Variants in POLD1 observed in about 807,000 individuals in gnomAD.
POLD1 encodes the protein DNA polymerase delta 1, catalytic subunit, also known as DNA polymerase delta catalytic subunit.
In POLD1, 79 loss-of-function variants were observed where a neutral mutation model predicts 129.7. That is an observed-to-expected ratio of 0.61 (90% CI 0.51 to 0.73). The LOEUF is 0.73. Among genes scored for constraint, POLD1 ranks in the 30% least tolerant of loss-of-function variants. The pLI, the probability that POLD1 is intolerant of heterozygous loss-of-function variation, is 0.00. For missense variants in POLD1, 1,338 were observed against 1,595.8 expected, an observed-to-expected ratio of 0.84 and a Z score of 2.75; for synonymous variants, 714 against 683.3, an observed-to-expected ratio of 1.04 and a Z score of -0.70.
intron 2 of POLD1, 133 bp from the exon 3 acceptor site, chr19:50,399,238 C>T: frequency 1.8e-6 from 2 of 1,139,398 alleles, no homozygotes; most frequent in East Asian, 2.6e-5. Context: ...TGACCCTTGA[C>T]CCTCATTCTC....
At chr19:50,416,920 C>A (rs2039319655) in intron 24 of POLD1, 125 bp from the exon 25 acceptor site, 2 of 1,172,840 alleles carry the variant, frequency 1.7e-6, no homozygotes, top group East Asian at 2.6e-5. Flanking sequence ...GTTTTCCCAG[C>A]ACACTTGCTC....
intron 1 of POLD1, among the ~76,000 whole-genome samples, chr19:50,388,240 G>T (rs926926054): frequency 2.0e-5 from 3 of 152,160 alleles, no homozygotes; most frequent in Non-Finnish European, 4.4e-5. Context: ...TTCTAAAATT[G>T]ACTGTGGTGA....
intron 1 of POLD1, chr19:50,394,903 T>C (rs1056413103): frequency 6.6e-6 from 1 of 151,732 alleles, no homozygotes; most frequent in African/African-American, 2.4e-5. Flanking sequence ...TGGCGCAGTC[T>C]TGGCTCACTG....
At chr19:50,417,583 G>A (rs992921070) in intron 26 of POLD1, among the ~76,000 whole-genome samples, 4 of 152,236 alleles carry the variant, frequency 2.6e-5, no homozygotes, top group African/African-American at 9.6e-5. Flanking sequence ...CAGGGAACGG[G>A]TAGGCGGGGT....
chr19:50,402,300 C>G lies in POLD1; in HGVS notation c.685C>G (p.Gln229Glu), dbSNP rs1555790033. ...GGCCCCGGCCCGCCGTCTCCTGGAA[C>G]AGGGCATCCGTGTGGCAGGCCTGGG... The part of the protein sequence containing the change: ...LVAPARRLLE[Q>E]GIRVAGLGTP... Residue 229 changes from glutamine (Q) to glutamate (E), a missense_variant, in exon 6 of 27, where the codon CAG becomes GAG. This residue lies in a region of POLD1 where 720 missense variants were observed against 1,002.6 expected (regional missense o/e 0.72). Transcript: ENST00000440232. 2 of 1,610,858 alleles carry G rather than the reference C, an allele frequency of 1.2e-6. No individual in the cohort carries two copies. Among genetic ancestry groups the G allele is most frequent in the South Asian group, 1.1e-5 (1 of 90,806 alleles).
At position 50,397,370 on chromosome 19, in the gene POLD1, A is replaced by G. The variant is rs1223989897; in HGVS notation, c.-1-1481A>G. On this transcript the variant is annotated intron_variant, in intron 1 of 26. Coordinates refer to ENST00000440232, the MANE Select transcript of POLD1 (RefSeq NM_002691.4). ...CAGTGAATCGAGATTGTGCCACTGT[A>G]CTCCAGCCTGGGCAACAAGAGTGAG... Among the ~76,000 whole-genome samples, 3 of 148,664 alleles carry G rather than the reference A, an allele frequency of 2.0e-5. No homozygotes were observed. In the East Asian group the frequency reaches 6.0e-4, roughly 30 times the overall value.
At position 50,406,093 on chromosome 19, in the gene POLD1, A is replaced by G; in HGVS notation, c.1243-89A>G. 1 of 1,496,600 alleles carries G rather than the reference A, an allele frequency of 6.7e-7. No homozygotes were observed. Among genetic ancestry groups the G allele is most frequent in the Non-Finnish European group, 9.1e-7 (1 of 1,095,388 alleles). The allele number at this position is 1,496,600 out of a possible 1,614,324, so 92.7% of individuals were successfully genotyped here. On this transcript the variant is annotated intron_variant, in intron 10 of 26. Transcript: ENST00000440232. The surrounding 1 kb of genome is among the most constrained non-coding windows in gnomAD (Gnocchi z 5.5). ...CTCTCGACCCCCTAGGGTTGTTATAAGGATGTTGTGGTTGGTCTCAATCTC... is the reference window on the plus strand; with the variant it reads ...CTCTCGACCCCCTAGGGTTGTTATAGGGATGTTGTGGTTGGTCTCAATCTC...
chr19:50,417,638 C>T (rs1192812066), intron 26 of POLD1, among the ~76,000 whole-genome samples: 1 of 151,728 alleles, frequency 6.6e-6, no homozygotes, highest in Non-Finnish European at 1.5e-5. Context: ...CAGCCATGGC[C>T]CTGCACCTCG....
At chr19:50,399,574 G>A in intron 3 of POLD1, 90 bp downstream of exon 3, 1 of 970,946 alleles carries the variant, frequency 1.0e-6, no homozygotes, top group Non-Finnish European at 1.6e-6. Flanking sequence ...CTGTGCTCCT[G>A]GGGCAGAGGC....
At chr19:50,398,814 G>A (rs373386278) in intron 1 of POLD1, 37 bp from the exon 2 acceptor site, 98 of 1,596,142 alleles carry the variant, frequency 6.1e-5, no homozygotes, top group Middle Eastern at 2.3e-4. Context: ...AGGTGTCTCC[G>A]GTCAGAACCT....
chr19:50,417,100 G>A lies in POLD1; in HGVS notation c.3120+3G>A. ...AGTCTGAGCTGTATCAGAAGGAGGTGAGAGGGCCGGGAGGTGAGGAGGGGC... is the reference window on the plus strand; with the variant it reads ...AGTCTGAGCTGTATCAGAAGGAGGTAAGAGGGCCGGGAGGTGAGGAGGGGC... On this transcript the variant is annotated splice_donor_region_variant and intron_variant, in intron 25 of 26. Coordinates refer to ENST00000440232, the MANE Select transcript of POLD1 (RefSeq NM_002691.4). 6.4e-7 allele frequency: 1 copy of A among 1,561,582 alleles called. No homozygotes were observed. Among genetic ancestry groups the A allele is most frequent in the South Asian group, 1.2e-5 (1 of 85,200 alleles).
At position 50,406,100 on chromosome 19, in the gene POLD1, TG is replaced by T. The variant is rs2038866194; in HGVS notation, c.1243-81del. On this transcript the variant is annotated intron_variant, in intron 10 of 26. Coordinates refer to ENST00000440232, the MANE Select transcript of POLD1 (RefSeq NM_002691.4). This position sits in a 1 kb window ranked among gnomAD's most constrained non-coding sequence, Gnocchi z 5.5. The stretch of plus-strand genomic sequence containing the variant: ...CCCCCTAGGGTTGTTATAAGGATGT[TG>T]TGGTTGGTCTCAATCTCCGTTCTTC... 6.6e-7 allele frequency: 1 copy of T among 1,520,178 alleles called. No homozygotes were observed. The highest frequency in any genetic ancestry group is 1.4e-5 in the African/African-American group (1 of 73,074). The allele number at this position is 1,520,178 out of a possible 1,614,324, so 94.2% of individuals were successfully genotyped here. A position where few individuals can be genotyped will look rare whatever the true frequency, so the allele number is the denominator to read the frequency against.
chr19:50,390,011 C>T (rs2038101016), intron 1 of POLD1, among the ~76,000 whole-genome samples: 1 of 151,324 alleles, frequency 6.6e-6, no homozygotes, highest in Admixed American at 6.6e-5. Flanking sequence ...CAGGTTCAAT[C>T]AATTCTCCTG....
intron 19 of POLD1, among the ~76,000 whole-genome samples, chr19:50,414,147 T>G (rs1447604283): frequency 2.0e-5 from 3 of 152,234 alleles, no homozygotes; most frequent in African/African-American, 7.2e-5. Context: ...CTGTCAGATG[T>G]GGAGCTGCCC....
chr19:50,405,856 G>T (rs990986360), intron 10 of POLD1, among the ~76,000 whole-genome samples: 15 of 152,104 alleles, frequency 9.9e-5, no homozygotes, highest in Non-Finnish European at 1.8e-4. Flanking sequence ...CCCCCACCTG[G>T]CCGCCTGCTC....
chr19:50,397,639 G>A (rs1057460950), intron 1 of POLD1, among the ~76,000 whole-genome samples: 3 of 151,906 alleles, frequency 2.0e-5, no homozygotes, highest in Non-Finnish European at 1.5e-5. Flanking sequence ...TCCTGACCTC[G>A]TGATCCGCCC....
At chr19:50,403,310 A>ATGTCTGTGGGTCTGGGTGGG (rs1471192635) in intron 9 of POLD1, 91 bp downstream of exon 9, 10 of 1,351,928 alleles carry the variant, frequency 7.4e-6, no homozygotes, top group Non-Finnish European at 1.0e-5. Context: ...TGCGACGCCC[A>ATGTCTGTGGGTCTGGGTGGG]TGTCTGTGGG....
In POLD1 at chr19:50,409,563, A is replaced by C; in HGVS notation, c.2051A>C (p.Gln684Pro). 6.2e-7 allele frequency: 1 copy of C among 1,613,510 alleles called. No individual in the cohort carries two copies. The highest frequency in any genetic ancestry group is 8.5e-7 in the Non-Finnish European group (1 of 1,180,020). The change falls in exon 17 of 27, where the codon CAG becomes CCG. Residue 684 changes from glutamine to proline, a missense_variant. This residue lies in a region of POLD1 where 720 missense variants were observed against 1,002.6 expected (regional missense o/e 0.72). Coordinates refer to ENST00000440232, the MANE Select transcript of POLD1 (RefSeq NM_002691.4). This position sits in a 1 kb window ranked among gnomAD's most constrained non-coding sequence, Gnocchi z 5.8. Reference sequence around the variant, plus strand: ...AAGGAGACAGACCCCCTCCGGCGCCAGGTCCTGGATGGACGGCAGCTGGCG... The same window carrying C: ...AAGGAGACAGACCCCCTCCGGCGCCCGGTCCTGGATGGACGGCAGCTGGCG... ...LAKETDPLRR[Q>P]VLDGRQLALK...
chr19:50,414,017 T>C (rs2039187455), intron 19 of POLD1, 138 bp downstream of exon 19: 1 of 913,378 alleles, frequency 1.1e-6, no homozygotes, highest in African/African-American at 1.7e-5. Context: ...GGCCTTGGTT[T>C]GGGAAGCCTC....
Sources: gnomAD v4.1 joint callset for allele counts (sites outside exome capture counted in the v4.1 genomes callset) on GRCh38, gnomAD v4.1.1 for gene constraint, gnomAD v4.1.1 regional missense constraint, Gnocchi (gnomAD v3.1) non-coding constraint, MANE v1.5 for transcripts, NCBI Gene and HGNC (gene_info 2026-07-23, HGNC 2026-07-21) for gene names.